Variants in LAMA1 observed in about 807,000 individuals in gnomAD.
LAMA1 encodes laminin subunit alpha 1, also known as laminin subunit alpha-1.
LAMA1 carries 219 observed loss-of-function variants against 348.7 expected under a neutral mutation model. That is an observed-to-expected ratio of 0.63 (90% CI 0.56 to 0.70). The LOEUF (loss-of-function observed/expected upper bound fraction) is 0.70, where lower values mean the gene tolerates loss of function less well. LAMA1 is among the 30% of genes least tolerant of loss of function. LAMA1 has a pLI of 0.00. For missense variants in LAMA1, 3,744 were observed against 3,888.0 expected, an observed-to-expected ratio of 0.96 and a Z score of 0.99; for synonymous variants, 1,487 against 1,491.0, an observed-to-expected ratio of 1.00 and a Z score of 0.06.
At chr18:6,947,369 T>A in intron 60 of LAMA1, 73 bp from the exon 61 acceptor site, 1 of 1,595,650 alleles carries the variant, frequency 6.3e-7, no homozygotes, top group Non-Finnish European at 8.6e-7. Context: ...GCCTCCTGGC[T>A]AGGGGTTGGG....
chr18:7,110,886 CCT>C (rs2058332972), intron 1 of LAMA1, among the ~76,000 whole-genome samples: 119 of 55,742 alleles, frequency 2.1e-3, no homozygotes, highest in African/African-American at 0.011. Context: ...GTTTTTTTTC[CCT>C]CCCCCCCCCC....
In LAMA1 at chr18:7,007,185, C is replaced by T; in HGVS notation, c.4214G>A (p.Cys1405Tyr). 6.2e-7 allele frequency: 1 copy of T among 1,614,134 alleles called. No individual in the cohort carries two copies. The highest frequency in any genetic ancestry group is 8.5e-7 in the Non-Finnish European group (1 of 1,180,020). The change falls in exon 29 of 63, where the codon TGC (cysteine) becomes TAC (tyrosine). Residue 1405 changes from cysteine to tyrosine, a missense_variant. Coordinates refer to ENST00000389658, the MANE Select transcript of LAMA1 (RefSeq NM_005559.4). ...PLVAPCVPCS[C>Y]NNHSDTCDPN... ...GTCACAGGTGTCACTGTGGTTGTTG[C>T]AACTGCAGGGAACACAAGGAGCAAC...
At chr18:7,067,854 C>A (rs1055522197) in intron 3 of LAMA1, among the ~76,000 whole-genome samples, 1 of 144,508 alleles carries the variant, frequency 6.9e-6, no homozygotes, top group Non-Finnish European at 1.5e-5. Context: ...GGGTCCTTTT[C>A]GCATTTTTTT....
chr18:7,054,020 C>G (rs566485599), intron 3 of LAMA1, among the ~76,000 whole-genome samples: 1 of 152,234 alleles, frequency 6.6e-6, no homozygotes, highest in Non-Finnish European at 1.5e-5. Context: ...GTCTGCCCAC[C>G]TTGACCTCCC....
intron 35 of LAMA1, 121 bp downstream of exon 35, chr18:6,993,520 G>A: frequency 2.5e-6 from 2 of 792,558 alleles, no homozygotes; most frequent in South Asian, 2.8e-5. Context: ...AACTATTCCA[G>A]CCCCTCTGGT....
At position 6,948,525 on chromosome 18, in the gene LAMA1, T is replaced by A. The variant is rs2057532372; in HGVS notation, c.8588A>T (p.Asp2863Val). 1 of 1,614,138 alleles carries A rather than the reference T, an allele frequency of 6.2e-7. No homozygotes were observed. The highest frequency in any genetic ancestry group is 8.5e-7 in the Non-Finnish European group (1 of 1,180,034). The change falls in exon 60 of 63, where the codon GAT (aspartate) becomes GTT (valine). Residue 2863 changes from aspartate (D) to valine (V), a missense_variant. Physicochemically the swap from Asp to Val is radical, Grantham distance 152 (BLOSUM62 -3). This residue lies in a region of LAMA1 where 1,983 missense variants were observed against 1,934.3 expected (regional missense o/e 1.03). Transcript: ENST00000389658. Reference protein sequence around the residue: ...ITHSIPACIGDVTVNSKQLDK... With the variant: ...ITHSIPACIGVVTVNSKQLDK... ...CAGCTGTTTGCTGTTAACCGTCACA[T>A]CCCCAATGCAGGCAGGGATGCTGTG...
chr18:7,017,273 C>G lies in LAMA1; in HGVS notation c.2808+5G>C. 6.2e-7 allele frequency: 1 copy of G among 1,609,560 alleles called. No individual in the cohort carries two copies. Among genetic ancestry groups the G allele is most frequent in the Non-Finnish European group, 8.5e-7 (1 of 1,176,348 alleles). On this transcript the variant is annotated splice_donor_5th_base_variant and intron_variant, in intron 20 of 62. Coordinates refer to ENST00000389658, the MANE Select transcript of LAMA1 (RefSeq NM_005559.4). ...TAAGGTGTCAATTAGTCACATGCAT[C>G]TTACCAAGCACTGGTCACACTGCTG...
rs188619033 is a variant in LAMA1, at chr18:6,973,119, T to C, written c.6712A>G (p.Asn2238Asp). 28 of 1,614,080 alleles carry C rather than the reference T, an allele frequency of 1.7e-5. No individual in the cohort carries two copies. In the Admixed American group the frequency reaches 3.5e-4, roughly 20 times the overall value. Residue 2238 changes from asparagine (N) to aspartate (D), a missense_variant, in exon 47 of 63, where the codon AAT becomes GAT. Asn to Asp is a conservative substitution (Grantham distance 23). This residue lies in a region of LAMA1 where 1,983 missense variants were observed against 1,934.3 expected (regional missense o/e 1.03). Coordinates refer to ENST00000389658, the MANE Select transcript of LAMA1 (RefSeq NM_005559.4). The stretch of plus-strand genomic sequence containing the variant: ...GTTGAATTGTTTACATCCAGAACAT[T>C]AGCTGTCCCAGGGGATTTACTTGTT... The part of the protein sequence containing the change: ...TKTSKSPGTA[N>D]VLDVNNSTLM...
intron 36 of LAMA1, among the ~76,000 whole-genome samples, chr18:6,989,067 TG>T (rs2057747940): frequency 6.6e-6 from 1 of 152,158 alleles, no homozygotes; most frequent in Admixed American, 6.5e-5. Context: ...GCTTTCCTTC[TG>T]GGAGTCGACT....
At chr18:7,068,151 C>A (rs1464294617) in intron 3 of LAMA1, among the ~76,000 whole-genome samples, 1 of 152,208 alleles carries the variant, frequency 6.6e-6, no homozygotes, top group Non-Finnish European at 1.5e-5. Flanking sequence ...CCGCGCCCGG[C>A]CTGCATTGTT....
chr18:7,054,810 G>A (rs1039029455), intron 3 of LAMA1, among the ~76,000 whole-genome samples: 6 of 151,976 alleles, frequency 3.9e-5, no homozygotes, highest in South Asian at 2.1e-4. Flanking sequence ...ATGGATCCAC[G>A]TCCACTTAAT....
At chr18:7,027,488 G>C (rs959087228) in intron 16 of LAMA1, among the ~76,000 whole-genome samples, 6 of 151,416 alleles carry the variant, frequency 4.0e-5, no homozygotes, top group Admixed American at 6.6e-5. Context: ...TCCAAATAAA[G>C]AGCTGGGTTT....
intron 3 of LAMA1, among the ~76,000 whole-genome samples, chr18:7,055,039 C>A (rs953377737): frequency 6.6e-6 from 1 of 151,876 alleles, no homozygotes; most frequent in African/African-American, 2.4e-5. Context: ...TTACGGAAGT[C>A]AAATGTTATT....
intron 6 of LAMA1, among the ~76,000 whole-genome samples, chr18:7,045,108 T>A (rs923602237): frequency 2.0e-5 from 3 of 152,160 alleles, no homozygotes; most frequent in Non-Finnish European, 4.4e-5. Flanking sequence ...ATGGAACTTA[T>A]TAAGGGTTTA....
chr18:6,999,552 C>A lies in LAMA1; in HGVS notation c.4556G>T (p.Gly1519Val), dbSNP rs2057798132. Reference protein sequence around the residue: ...CDCNPHGSVHGDCDRTSGQCV... With the variant: ...CDCNPHGSVHVDCDRTSGQCV... ...CTGCCCAGATGTGCGGTCACAGTCACCGTGGACAGAGCCGTGCGGGTTGCA... is the reference window on the plus strand; with the variant it reads ...CTGCCCAGATGTGCGGTCACAGTCAACGTGGACAGAGCCGTGCGGGTTGCA... Residue 1519 changes from glycine (G) to valine (V), a missense_variant, in exon 32 of 63, where the codon GGT (glycine) becomes GTT (valine). Coordinates refer to ENST00000389658, the MANE Select transcript of LAMA1 (RefSeq NM_005559.4). 1.2e-6 allele frequency: 2 copies of A among 1,614,044 alleles called. No individual in the cohort carries two copies. Among genetic ancestry groups the A allele is most frequent in the Admixed American group, 1.7e-5 (1 of 59,998 alleles).
chr18:7,090,581 G>A (rs988411742), intron 1 of LAMA1, among the ~76,000 whole-genome samples: 6 of 152,172 alleles, frequency 3.9e-5, no homozygotes, highest in South Asian at 2.1e-4. Context: ...ATATTCTAGC[G>A]ATTCCACCAG....
chr18:7,082,769 T>C (rs183892610), intron 1 of LAMA1, among the ~76,000 whole-genome samples: 380 of 152,314 alleles, frequency 2.5e-3, no homozygotes, highest in African/African-American at 8.7e-3. Context: ...ATCAACTCTA[T>C]CCATTCCCTT....
chr18:6,981,188 T>C (rs1370205969), intron 41 of LAMA1, among the ~76,000 whole-genome samples: 1 of 152,206 alleles, frequency 6.6e-6, no homozygotes, highest in East Asian at 1.9e-4. Context: ...TTCACTAATA[T>C]TTCTACTTAA....
chr18:6,955,508 C>A, intron 56 of LAMA1, 43 bp from the exon 57 acceptor site: 2 of 1,444,342 alleles, frequency 1.4e-6, no homozygotes, highest in African/African-American at 1.4e-5. Flanking sequence ...ACCCGCAGCC[C>A]GAACCCCACT....
Sources: gnomAD v4.1 joint callset for allele counts (sites outside exome capture counted in the v4.1 genomes callset) on GRCh38, gnomAD v4.1.1 for gene constraint, gnomAD v4.1.1 regional missense constraint, MANE v1.5 for transcripts, NCBI Gene and HGNC (gene_info 2026-07-23, HGNC 2026-07-21) for gene names.